Variants in USP15 observed in about 807,000 individuals in gnomAD.
The protein encoded by USP15 is ubiquitin carboxyl-terminal hydrolase 15.
Under a neutral mutation model 127.1 loss-of-function variants are expected in USP15, and 18 were observed. That is an observed-to-expected ratio of 0.14 (90% CI 0.10 to 0.21). USP15 has a LOEUF of 0.21. Among genes scored for constraint, USP15 ranks in the 10% least tolerant of loss-of-function variants. The probability of loss-of-function intolerance (pLI) is 1.00; values close to 1 mark genes in which losing one functional copy is unlikely to be tolerated. For synonymous variants in USP15, 364 were observed against 393.7 expected (o/e 0.92, Z 0.89); for missense variants, 805 against 1,159.9 (o/e 0.69, Z 4.44).
chr12:62,322,255 G>A (rs187759375), intron 5 of USP15, among the ~76,000 whole-genome samples: 1 of 152,182 alleles, frequency 6.6e-6, no homozygotes, highest in East Asian at 1.9e-4. Flanking sequence ...AGCCTCTTGA[G>A]TAGCTGGGAC....
intron 6 of USP15, chr12:62,328,199 A>G: frequency 2.7e-6 from 1 of 377,136 alleles, no homozygotes; most frequent in South Asian, 2.0e-5. Flanking sequence ...GAACTGAGAA[A>G]ATTCAGCAAG....
Position 62,415,410 on chromosome 12 carries a change from T to A in USP15, c.*11035T>A, listed in dbSNP as rs906861223. 1 of 152,234 alleles carries A rather than the reference T, an allele frequency of 6.6e-6. No individual in the cohort carries two copies. Among genetic ancestry groups the A allele is most frequent in the Non-Finnish European group, 1.5e-5 (1 of 68,054 alleles). The allele number at this position is 152,234 out of a possible 1,614,324, so 9.4% of individuals were successfully genotyped here. A position where few individuals can be genotyped will look rare whatever the true frequency, so the allele number is the denominator to read the frequency against. On this transcript the variant is annotated 3_prime_UTR_variant, in exon 22 of 22. Coordinates refer to ENST00000280377, the MANE Select transcript of USP15 (RefSeq NM_001252078.2). ...TCTCATCCAAAAACACCCTCATAGA[T>A]ATGCCCAGAATAATGTTTGACCACA...
intron 3 of USP15, chr12:62,303,130 C>T: frequency 2.2e-6 from 1 of 444,858 alleles, no homozygotes; most frequent in Non-Finnish European, 4.0e-6. Context: ...ATTGATTAAT[C>T]CTCTATATAT....
intron 7 of USP15, among the ~76,000 whole-genome samples, chr12:62,352,409 T>C (rs572668325): frequency 2.6e-5 from 4 of 152,188 alleles, no homozygotes; most frequent in African/African-American, 9.6e-5. Context: ...TAAATATCTG[T>C]CAGATTGTCT....
At chr12:62,305,749 C>G (rs1433678463) in intron 3 of USP15, 1 of 152,190 alleles carries the variant, frequency 6.6e-6, no homozygotes, top group East Asian at 1.9e-4. Flanking sequence ...ACTATGTTCC[C>G]TGGTGATCCC....
chr12:62,356,032 TTA>T (rs1394627131), intron 8 of USP15, among the ~76,000 whole-genome samples: 1 of 151,626 alleles, frequency 6.6e-6, no homozygotes, highest in Non-Finnish European at 1.5e-5. Flanking sequence ...TGTTAAATAT[TTA>T]TGTCTTTGAT....
chr12:62,270,926 A>G (rs2063333532), intron 1 of USP15, among the ~76,000 whole-genome samples: 1 of 151,906 alleles, frequency 6.6e-6, no homozygotes, highest in South Asian at 2.1e-4. Context: ...ACCTTCTCTC[A>G]TTCGAAATCT....
chr12:62,346,338 T>C (rs938014310), intron 6 of USP15, among the ~76,000 whole-genome samples: 4 of 152,236 alleles, frequency 2.6e-5, no homozygotes, highest in African/African-American at 9.6e-5. Context: ...GTGCTACTCC[T>C]TTGATTCATG....
chr12:62,353,433 A>G (rs991204164), intron 7 of USP15, among the ~76,000 whole-genome samples: 4 of 151,958 alleles, frequency 2.6e-5, no homozygotes, highest in African/African-American at 9.7e-5. Context: ...ATATATACTT[A>G]TGGAATGAGC....
At chr12:62,297,271 G>T (rs987909404) in intron 2 of USP15, among the ~76,000 whole-genome samples, 1 of 152,234 alleles carries the variant, frequency 6.6e-6, no homozygotes, top group Non-Finnish European at 1.5e-5. Context: ...TAGAACCTGA[G>T]ACTTGTCTTC....
rs1431611868 is a variant in USP15, at chr12:62,407,569, AT to A, written c.*3196del. On this transcript the variant is annotated 3_prime_UTR_variant, in exon 22 of 22. Transcript: ENST00000280377. ...TTGACTAACCCATTCCCTTTTAAAA[AT>A]TAATTTCATTTAATTTATATACCTT... 5 of 152,220 alleles carry A rather than the reference AT, an allele frequency of 3.3e-5. No individual in the cohort carries two copies. Among genetic ancestry groups the A allele is most frequent in the Non-Finnish European group, 5.9e-5 (4 of 68,030 alleles). 9.4% of individuals were successfully genotyped at this position (152,220 alleles called of 1,614,324 possible).
chr12:62,393,218 A>T lies in USP15; in HGVS notation c.2570+16A>T. 1 of 1,607,886 alleles carries T rather than the reference A, an allele frequency of 6.2e-7. No individual in the cohort carries two copies. The highest frequency in any genetic ancestry group is 1.3e-5 in the African/African-American group (1 of 74,810). ...TTCCTATCAAGTAAGCTTTAATTGT[A>T]CTTTATAAGCATTGGGCAACTCTTC... On this transcript the variant is annotated intron_variant, in intron 19 of 21. Coordinates refer to ENST00000280377, the MANE Select transcript of USP15 (RefSeq NM_001252078.2).
At chr12:62,396,430 C>A in intron 20 of USP15, 32 bp downstream of exon 20, 3 of 1,587,340 alleles carry the variant, frequency 1.9e-6, no homozygotes, top group South Asian at 1.1e-5. Context: ...TTACCCAAAT[C>A]ATGGTGTTTG....
At chr12:62,290,887 C>T (rs2063945094) in intron 1 of USP15, among the ~76,000 whole-genome samples, 1 of 152,004 alleles carries the variant, frequency 6.6e-6, no homozygotes, top group Non-Finnish European at 1.5e-5. Flanking sequence ...TAGCAGGATA[C>T]AAATTTTCAG....
chr12:62,347,239 C>G (rs997608460), intron 6 of USP15, among the ~76,000 whole-genome samples: 8 of 151,264 alleles, frequency 5.3e-5, no homozygotes, highest in African/African-American at 1.9e-4. Context: ...ATATAGTTCT[C>G]AGAGTTGCTA....
rs1440303375 is a variant in USP15 at position 62,414,744 on chromosome 12, G to A, written c.*10369G>A. The A allele has an allele frequency of 1.3e-5, 2 of 151,702 alleles. No homozygotes were observed. The highest frequency in any genetic ancestry group is 4.8e-5 in the African/African-American group (2 of 41,268). The allele number at this position is 151,702 out of a possible 1,614,324, so 9.4% of individuals were successfully genotyped here. On this transcript the variant is annotated 3_prime_UTR_variant, in exon 22 of 22. Transcript: ENST00000280377. ...TGTGTATTCAGGGTGCACTCAATAGGATTACATCTGGCTGGCAGTCCCTTC... is the reference window on the plus strand; with the variant it reads ...TGTGTATTCAGGGTGCACTCAATAGAATTACATCTGGCTGGCAGTCCCTTC...
intron 3 of USP15, among the ~76,000 whole-genome samples, chr12:62,313,070 A>G (rs2064729810): frequency 6.6e-6 from 1 of 151,630 alleles, no homozygotes; most frequent in Non-Finnish European, 1.5e-5. Flanking sequence ...TAAAATAAAT[A>G]TCTTATAAAT....
Position 62,393,040 on chromosome 12 carries a change from T to C in USP15, c.2421-13T>C. On this transcript the variant is annotated splice_polypyrimidine_tract_variant and intron_variant, in intron 18 of 21. Coordinates refer to ENST00000280377, the MANE Select transcript of USP15 (RefSeq NM_001252078.2). ...ACCTCTATCAAGTGTTAAATACTTCTGTTTATTCTTAGGTATTGTCCGAAT... is the reference window on the plus strand; with the variant it reads ...ACCTCTATCAAGTGTTAAATACTTCCGTTTATTCTTAGGTATTGTCCGAAT... 6.2e-7 allele frequency: 1 copy of C among 1,612,512 alleles called. No individual in the cohort carries two copies. Among genetic ancestry groups the C allele is most frequent in the Non-Finnish European group, 8.5e-7 (1 of 1,179,550 alleles).
chr12:62,329,097 A>G (rs2065210860), intron 6 of USP15, among the ~76,000 whole-genome samples: 1 of 152,226 alleles, frequency 6.6e-6, no homozygotes. Context: ...ATATTCACTT[A>G]TATTTAGTGA....
Sources: gnomAD v4.1 joint callset for allele counts (sites outside exome capture counted in the v4.1 genomes callset) on GRCh38, gnomAD v4.1.1 for gene constraint, MANE v1.5 for transcripts, NCBI Gene and HGNC (gene_info 2026-07-23, HGNC 2026-07-21) for gene names.